The following ROBO2 variants were observed in gnomAD, a reference collection of about 807,000 sequenced individuals.
The protein encoded by ROBO2 is roundabout homolog 2.
ROBO2 carries 53 observed loss-of-function variants against 160.8 expected under a neutral mutation model. The observed-to-expected ratio is 0.33, with a 90% CI of 0.26 to 0.41. The LOEUF is 0.41. Ranked by LOEUF, ROBO2 falls within the 10% of genes least tolerant of loss-of-function variation. ROBO2 has a pLI of 1.00. For synonymous variants in ROBO2, 664 were observed against 611.7 expected, an observed-to-expected ratio of 1.09 and a Z score of -1.26; for missense variants, 1,577 against 1,722.4, an observed-to-expected ratio of 0.92 and a Z score of 1.49.
chr3:77,289,941 A>G (rs1404852613), intron 2 of ROBO2, among the ~76,000 whole-genome samples: 11 of 152,132 alleles, frequency 7.2e-5, no homozygotes, highest in Non-Finnish European at 1.3e-4. Flanking sequence ...TAAACGGGTA[A>G]GCTGAGGCTA....
At chr3:76,287,071 C>T (rs1161303505) in intron 2 of ROBO2, among the ~76,000 whole-genome samples, 3 of 152,108 alleles carry the variant, frequency 2.0e-5, no homozygotes, top group African/African-American at 7.2e-5. Context: ...TAAATTTATT[C>T]CTCTATGACA....
chr3:76,873,568 G>T (rs1342575761), intron 2 of ROBO2, among the ~76,000 whole-genome samples: 1 of 152,144 alleles, frequency 6.6e-6, no homozygotes, highest in Non-Finnish European at 1.5e-5. Context: ...AGTAGTAGTA[G>T]TAGTAGTCGT....
At chr3:76,218,690 C>T (rs557208521) in intron 2 of ROBO2, among the ~76,000 whole-genome samples, 2 of 152,240 alleles carry the variant, frequency 1.3e-5, no homozygotes, top group East Asian at 3.9e-4. Context: ...AAGAACATTC[C>T]ATGCTCATGG....
chr3:76,620,621 C>T (rs984188248), intron 2 of ROBO2, among the ~76,000 whole-genome samples: 2 of 152,202 alleles, frequency 1.3e-5, no homozygotes, highest in Non-Finnish European at 2.9e-5. Flanking sequence ...CTTTTTAAAA[C>T]TGCTCGGTCA....
chr3:76,333,565 A>G (rs2073651629), intron 2 of ROBO2, among the ~76,000 whole-genome samples: 4 of 152,190 alleles, frequency 2.6e-5, no homozygotes, highest in South Asian at 4.1e-4. Context: ...AGGAGCCTCA[A>G]TGATTGCTAT....
chr3:77,345,207 T>C (rs576389517), intron 2 of ROBO2, among the ~76,000 whole-genome samples: 2 of 152,250 alleles, frequency 1.3e-5, no homozygotes, highest in East Asian at 1.9e-4. Flanking sequence ...TAGTTGATGA[T>C]GTTGGTTGGT....
chr3:77,394,580 T>C (rs902305521), intron 2 of ROBO2, among the ~76,000 whole-genome samples: 3 of 152,304 alleles, frequency 2.0e-5, no homozygotes, highest in South Asian at 4.1e-4. Flanking sequence ...TTCAGAAATA[T>C]GTAGTTTGAG....
intron 1 of ROBO2, among the ~76,000 whole-genome samples, chr3:77,088,141 G>A (rs989327353): frequency 2.0e-5 from 3 of 152,012 alleles, no homozygotes; most frequent in Admixed American, 1.3e-4. Flanking sequence ...AATAACATGC[G>A]GTAGTGGAGG....
chr3:76,987,837 T>C (rs1340616671), intron 2 of ROBO2, among the ~76,000 whole-genome samples: 4 of 151,392 alleles, frequency 2.6e-5, no homozygotes, highest in Admixed American at 1.3e-4. Flanking sequence ...TTTACGAGAA[T>C]TTTTTTTTGC....
At chr3:76,020,293 A>G (rs926973659) in intron 2 of ROBO2, among the ~76,000 whole-genome samples, 2 of 151,718 alleles carry the variant, frequency 1.3e-5, no homozygotes, top group Non-Finnish European at 3.0e-5. Context: ...CCTCGATAGT[A>G]TAATCCTGGA....
intron 2 of ROBO2, among the ~76,000 whole-genome samples, chr3:76,995,195 C>T (rs887533753): frequency 6.2e-5 from 9 of 144,278 alleles, no homozygotes; most frequent in East Asian, 4.5e-4. Context: ...TGAGAATATG[C>T]GGTGTTTGGT....
At chr3:76,505,369 T>A (rs890567829) in intron 2 of ROBO2, among the ~76,000 whole-genome samples, 2 of 149,412 alleles carry the variant, frequency 1.3e-5, no homozygotes, top group East Asian at 2.0e-4. Context: ...GTTCAGCATT[T>A]AAAAAAAAAA....
At chr3:76,498,461 C>A (rs958107621) in intron 2 of ROBO2, among the ~76,000 whole-genome samples, 2 of 151,680 alleles carry the variant, frequency 1.3e-5, no homozygotes, top group South Asian at 2.1e-4. Context: ...AGCATTATCA[C>A]CACAAATAAA....
intron 2 of ROBO2, among the ~76,000 whole-genome samples, chr3:76,065,752 T>TAA (rs1360593574): frequency 3.4e-4 from 49 of 143,746 alleles, no homozygotes; most frequent in Non-Finnish European, 1.4e-4. Context: ...TATATATATA[T>TAA]ACACACACAC....
At chr3:76,781,012 A>G (rs141799835) in intron 2 of ROBO2, among the ~76,000 whole-genome samples, 129 of 150,888 alleles carry the variant, frequency 8.5e-4, no homozygotes, top group African/African-American at 3.0e-3. Context: ...GGTATTATGA[A>G]CATTTCAACA....
At chr3:77,489,141 C>T (rs1196015317) in intron 4 of ROBO2, among the ~76,000 whole-genome samples, 2 of 152,096 alleles carry the variant, frequency 1.3e-5, no homozygotes, top group African/African-American at 2.4e-5. Context: ...CAGGAATTTC[C>T]CATGTCACAT....
chr3:77,038,030 A>G, upstream of ROBO2, among the ~76,000 whole-genome samples: 1 of 152,226 alleles, frequency 6.6e-6, no homozygotes. Context: ...AGTGTTTAAA[A>G]TGAAAGTTTT....
chr3:76,268,587 T>C (rs1707237701), intron 2 of ROBO2, among the ~76,000 whole-genome samples: 1 of 152,120 alleles, frequency 6.6e-6, no homozygotes, highest in Non-Finnish European at 1.5e-5. Context: ...CCTCTTCTTT[T>C]AAGAATTAAT....
chr3:75,928,861 C>CTGT (rs1947397988), intron 1 of ROBO2, among the ~76,000 whole-genome samples: 1 of 109,020 alleles, frequency 9.2e-6, no homozygotes, highest in Admixed American at 9.6e-5. Flanking sequence ...CTGGATAAGA[C>CTGT]GTGTGTGTGT....
Sources: allele counts gnomAD v4.1 joint callset (sites outside exome capture counted in the v4.1 genomes callset), GRCh38; gene constraint gnomAD v4.1.1; transcripts MANE v1.5; gene names NCBI Gene and HGNC (gene_info 2026-07-23, HGNC 2026-07-21).